The following RAP1GAP2 variants were observed in gnomAD, a reference collection of about 807,000 sequenced individuals.
The protein encoded by RAP1GAP2 is rap1 GTPase-activating protein 2.
A neutral mutation model predicts 95.0 loss-of-function variants in RAP1GAP2; 27 were observed. The observed-to-expected ratio is 0.28, with a 90% CI of 0.21 to 0.39. The LOEUF (loss-of-function observed/expected upper bound fraction) is 0.39. RAP1GAP2 is among the 10% of genes least tolerant of loss of function. The probability of loss-of-function intolerance (pLI) is 1.00; values close to 1 mark genes in which losing one functional copy is unlikely to be tolerated. For missense variants in RAP1GAP2, 771 were observed against 970.0 expected (o/e 0.79, Z 2.72); for synonymous variants, 373 against 380.9 (o/e 0.98, Z 0.24).
intron 3 of RAP1GAP2, among the ~76,000 whole-genome samples, chr17:2,918,206 C>T (rs1010238779): frequency 3.3e-5 from 5 of 151,976 alleles, no homozygotes; most frequent in South Asian, 2.1e-4. Flanking sequence ...AAGGCTGAGG[C>T]GGGCAGATCA....
At position 3,005,426 on chromosome 17, in the gene RAP1GAP2, C is replaced by G; in HGVS notation, c.1258C>G (p.Pro420Ala). The G allele has an allele frequency of 2.5e-6, 4 of 1,613,612 alleles. No homozygotes were observed. Among genetic ancestry groups the G allele is most frequent in the Non-Finnish European group, 3.4e-6 (4 of 1,179,560 alleles). ...PTFGPPLPSP[P>A]VFQKGPEFRE... ...CTTTGGTCCACCTCTGCCCAGTCCC[C>G]CCGTTTTCCAGAAGGTAGGACACTC... The change falls in exon 15 of 25, where the codon CCC becomes GCC. Residue 420 changes from proline to alanine, a missense_variant. Physicochemically the swap from Pro to Ala is conservative, Grantham distance 27 (BLOSUM62 -1). Coordinates refer to ENST00000254695, the MANE Select transcript of RAP1GAP2 (RefSeq NM_015085.5). This position sits in a 1 kb window ranked among gnomAD's most constrained non-coding sequence, Gnocchi z 5.2.
At chr17:3,002,568 G>A (rs1487216878) in intron 14 of RAP1GAP2, among the ~76,000 whole-genome samples, 1 of 152,216 alleles carries the variant, frequency 6.6e-6, no homozygotes, top group African/African-American at 2.4e-5. Flanking sequence ...ACCTTAGCTG[G>A]CCCCTGCAGG....
intron 2 of RAP1GAP2, among the ~76,000 whole-genome samples, chr17:2,884,739 C>A (rs2073425742): frequency 6.6e-6 from 1 of 152,190 alleles, no homozygotes; most frequent in Non-Finnish European, 1.5e-5. Context: ...GCAAGTCATT[C>A]AGCCTTTCCC....
At chr17:2,912,576 TC>T (rs1329368219) in intron 3 of RAP1GAP2, among the ~76,000 whole-genome samples, 1 of 152,046 alleles carries the variant, frequency 6.6e-6, no homozygotes, top group Admixed American at 6.6e-5. Flanking sequence ...TTTTCCCTCT[TC>T]AAGAAAACCC....
intron 1 of RAP1GAP2, among the ~76,000 whole-genome samples, chr17:2,787,287 C>T (rs2068809226): frequency 7.3e-6 from 1 of 137,528 alleles, no homozygotes; most frequent in Admixed American, 7.8e-5. Context: ...TTTTTCGAGA[C>T]AGAGTCTTGC....
chr17:3,012,739 G>T (rs756169866), intron 17 of RAP1GAP2, among the ~76,000 whole-genome samples: 4 of 152,102 alleles, frequency 2.6e-5, no homozygotes, highest in Non-Finnish European at 4.4e-5. Flanking sequence ...GGCCACTGGG[G>T]TTGGGGGTCT....
chr17:3,004,936 C>T lies in RAP1GAP2; in HGVS notation c.1201-433C>T, dbSNP rs766573467. ...GAGGTCTGGATGCTCTGTTCCTCTG[C>T]GGCTAATCACCTGTGGGACTTGGGG... On this transcript the variant is annotated intron_variant, in intron 14 of 24. Coordinates refer to ENST00000254695, the MANE Select transcript of RAP1GAP2 (RefSeq NM_015085.5). The surrounding 1 kb of genome is among the most constrained non-coding windows in gnomAD (Gnocchi z 4.1). 3.7e-4 allele frequency among the ~76,000 whole-genome samples: 57 copies of T among 152,266 alleles called. No homozygotes were observed. Among genetic ancestry groups the T allele is most frequent in the African/African-American group, 6.0e-4 (25 of 41,558 alleles).
chr17:2,881,260 C>CAAA (rs144994676), intron 2 of RAP1GAP2, among the ~76,000 whole-genome samples: 1 of 120,102 alleles, frequency 8.3e-6, no homozygotes, highest in African/African-American at 3.0e-5. Context: ...GACTCTGCCT[C>CAAA]AAAAAAAAAA....
intron 3 of RAP1GAP2, among the ~76,000 whole-genome samples, chr17:2,934,158 G>A (rs1471229031): frequency 1.3e-5 from 2 of 152,126 alleles, no homozygotes; most frequent in African/African-American, 4.8e-5. Flanking sequence ...TTGAGACAGA[G>A]TCTTGTTCCG....
At chr17:2,905,201 G>C in intron 2 of RAP1GAP2, 83 bp from the exon 3 acceptor site, 2 of 1,317,308 alleles carry the variant, frequency 1.5e-6, no homozygotes, top group Non-Finnish European at 2.1e-6. Flanking sequence ...ATGTTAAACT[G>C]TGTCCGAGAG....
chr17:2,876,323 C>A (rs12103537), intron 2 of RAP1GAP2, among the ~76,000 whole-genome samples: 1 of 152,104 alleles, frequency 6.6e-6, no homozygotes, highest in Non-Finnish European at 1.5e-5. Context: ...ACCAATGTAG[C>A]CCCAGGAGAT....
intron 1 of RAP1GAP2, among the ~76,000 whole-genome samples, chr17:2,784,656 C>T (rs991574317): frequency 1.3e-5 from 2 of 152,222 alleles, no homozygotes; most frequent in Non-Finnish European, 2.9e-5. Context: ...CCCAGATCCC[C>T]GCCTACTCTC....
chr17:2,800,518 C>T lies in RAP1GAP2; in HGVS notation c.48C>T (p.Ile16=), dbSNP rs747013197. The change falls in exon 2 of 25, where the codon ATC becomes ATT. Residue 16 remains isoleucine, a synonymous_variant. Transcript: ENST00000254695. Reference sequence around the variant, plus strand: ...GCCCTTGCTTTTCTCTTGGCAGGATCGACAAGACCATGCTGGCAAGTCTGA... The same window carrying T: ...GCCCTTGCTTTTCTCTTGGCAGGATTGACAAGACCATGCTGGCAAGTCTGA... ...RSVSFGGFGW[I]DKTMLASLKV... is the part of the protein sequence containing the mutation. The T allele has an allele frequency of 6.8e-6, 11 of 1,612,540 alleles. No homozygotes were observed. Among genetic ancestry groups the T allele is most frequent in the African/African-American group, 4.0e-5 (3 of 74,890 alleles).
Position 3,026,351 on chromosome 17 carries a change from C to T in RAP1GAP2, c.1867C>T (p.Pro623Ser). The T allele has an allele frequency of 6.5e-7, 1 of 1,548,366 alleles. No homozygotes were observed. The highest frequency in any genetic ancestry group is 8.7e-7 in the Non-Finnish European group (1 of 1,144,330). ...GGCCTCACTTCCTATTCCCTGCAGG[C>T]CCTTCATGAAGTTGAAGGAAAACGG... ...SPEICPNKEKPFMKLKENGRA... is the reference protein window; with the variant it reads ...SPEICPNKEKSFMKLKENGRA... Residue 623 changes from proline (P) to serine (S), a missense_variant and splice_region_variant, in exon 21 of 25, where the codon CCC (proline) becomes TCC (serine). Transcript: ENST00000254695.
At chr17:2,828,509 TG>T (rs1051977749) in intron 2 of RAP1GAP2, among the ~76,000 whole-genome samples, 1 of 149,464 alleles carries the variant, frequency 6.7e-6, no homozygotes, top group African/African-American at 2.5e-5. Flanking sequence ...TTCCAGGTGG[TG>T]GGAACAGGCT....
At chr17:2,808,766 G>A (rs967793311) in intron 2 of RAP1GAP2, among the ~76,000 whole-genome samples, 1 of 152,200 alleles carries the variant, frequency 6.6e-6, no homozygotes, top group Non-Finnish European at 1.5e-5. Flanking sequence ...CTTCAGGATG[G>A]GCCCTGTGCC....
chr17:2,999,207 C>T (rs1360927508), intron 14 of RAP1GAP2, among the ~76,000 whole-genome samples: 1 of 152,194 alleles, frequency 6.6e-6, no homozygotes, highest in Non-Finnish European at 1.5e-5. Flanking sequence ...ATGGCTGGAT[C>T]TCTGACCCTC....
chr17:2,838,051 C>T (rs1308453105), intron 2 of RAP1GAP2, among the ~76,000 whole-genome samples: 1 of 129,414 alleles, frequency 7.7e-6, no homozygotes, highest in African/African-American at 3.1e-5. Flanking sequence ...CAGAGTCTCG[C>T]CTTATCACCC....
chr17:2,790,264 C>T (rs1411397555), intron 1 of RAP1GAP2, among the ~76,000 whole-genome samples: 2 of 152,214 alleles, frequency 1.3e-5, no homozygotes, highest in East Asian at 3.9e-4. Context: ...AGGCATGAGC[C>T]ACTACACCCA....
Sources: allele counts gnomAD v4.1 joint callset (sites outside exome capture counted in the v4.1 genomes callset), GRCh38; gene constraint gnomAD v4.1.1; non-coding constraint Gnocchi (gnomAD v3.1); transcripts MANE v1.5; gene names NCBI Gene and HGNC (gene_info 2026-07-23, HGNC 2026-07-21).